The following BRF1 variants were observed in gnomAD, a reference collection of about 807,000 sequenced individuals.
BRF1 encodes BRF1 general transcription factor IIIB subunit.
A neutral mutation model predicts 81.7 loss-of-function variants in BRF1; 59 were observed. The ratio of observed to expected loss-of-function variants is 0.72; its 90% confidence interval spans 0.59 to 0.90. The LOEUF (loss-of-function observed/expected upper bound fraction) is 0.90. Ranked by LOEUF, BRF1 falls within the 40% of genes least tolerant of loss-of-function variation. The probability of loss-of-function intolerance (pLI) is 0.00; values close to 1 mark genes in which losing one functional copy is unlikely to be tolerated. For synonymous variants in BRF1, 491 were observed against 395.6 expected (o/e 1.24, Z -2.86); for missense variants, 1,050 against 936.3 (o/e 1.12, Z -1.58).
chr14:105,227,138 G>C (rs587653138), intron 7 of BRF1: 226 of 240,514 alleles, frequency 9.4e-4, no homozygotes, highest in African/African-American at 5.1e-3. Flanking sequence ...AAAAATAAAA[G>C]GCCAGGTGCT....
At chr14:105,211,443 TG>T in intron 16 of BRF1, 150 bp from the exon 17 acceptor site, 2 of 650,440 alleles carry the variant, frequency 3.1e-6, no homozygotes, top group Admixed American at 3.3e-5. Context: ...CCAGGCCCAC[TG>T]GCCCCTTCTG....
intron 10 of BRF1, chr14:105,222,283 G>C (rs1374496923): frequency 5.0e-6 from 1 of 200,036 alleles, no homozygotes; most frequent in East Asian, 1.5e-4. Context: ...ACATCGTTAA[G>C]ACAATGAAGA....
intron 1 of BRF1, among the ~76,000 whole-genome samples, chr14:105,289,954 G>C (rs587629248): frequency 5.9e-5 from 9 of 152,056 alleles, no homozygotes; most frequent in Admixed American, 5.9e-4. Context: ...CTAAGCGTTC[G>C]AATTAAGATC....
At position 105,300,555 on chromosome 14, in the gene BRF1, G is replaced by A. The variant is rs773009946; in HGVS notation, c.75C>T (p.Cys25=). 357 of 1,505,342 alleles carry A rather than the reference G, an allele frequency of 2.4e-4. 1 individual carries two copies. The highest frequency in any genetic ancestry group is 3.1e-4 in the Non-Finnish European group (345 of 1,130,848). 93.2% of individuals were successfully genotyped at this position (1,505,342 alleles called of 1,614,324 possible). The stretch of plus-strand genomic sequence containing the variant: ...CCTCCAGCACTGAGCCGCAGGCGGT[G>A]CACACCGCGTCCCCGCGCGCCGCGT... The part of the protein sequence containing the change: ...ELDAARGDAV[C]TACGSVLEDN... The change falls in exon 1 of 18, where the codon TGC becomes TGT. Residue 25 remains cysteine (C), a synonymous_variant. Coordinates refer to ENST00000547530, the MANE Select transcript of BRF1 (RefSeq NM_001519.4).
At chr14:105,287,725 G>T (rs2057367564) in intron 1 of BRF1, among the ~76,000 whole-genome samples, 1 of 152,222 alleles carries the variant, frequency 6.6e-6, no homozygotes, top group Non-Finnish European at 1.5e-5. Flanking sequence ...CACAATGAAT[G>T]TAACTGAATC....
At chr14:105,298,912 T>C (rs928449961) in intron 1 of BRF1, among the ~76,000 whole-genome samples, 20 of 150,286 alleles carry the variant, frequency 1.3e-4, no homozygotes, top group Non-Finnish European at 2.2e-4. Flanking sequence ...GGCTCACGCC[T>C]GTAATCCCAG....
At chr14:105,280,207 C>A (rs1008659483) in intron 2 of BRF1, among the ~76,000 whole-genome samples, 1 of 152,214 alleles carries the variant, frequency 6.6e-6, no homozygotes, top group East Asian at 1.9e-4. Flanking sequence ...TTACTCACCA[C>A]TAAAGAGAAA....
intron 1 of BRF1, among the ~76,000 whole-genome samples, chr14:105,312,006 G>A (rs2058362611): frequency 6.6e-6 from 1 of 152,234 alleles, no homozygotes; most frequent in Admixed American, 6.5e-5. Context: ...AAGGAGTAGG[G>A]GCGCTGTGGG....
At chr14:105,219,281 G>T (rs1379518151) in intron 12 of BRF1, 49 bp from the exon 13 acceptor site, 1 of 1,602,412 alleles carries the variant, frequency 6.2e-7, no homozygotes, top group Non-Finnish European at 8.5e-7. Context: ...TCGCACACCG[G>T]GGCATGCTAA....
chr14:105,275,306 C>T (rs1401567037), intron 2 of BRF1, among the ~76,000 whole-genome samples: 1 of 152,200 alleles, frequency 6.6e-6, no homozygotes, highest in Non-Finnish European at 1.5e-5. Context: ...ACCTTGAGCA[C>T]CTAAGGCCAC....
intron 6 of BRF1, 94 bp downstream of exon 6, chr14:105,241,171 A>C: frequency 6.5e-7 from 1 of 1,545,726 alleles, no homozygotes; most frequent in African/African-American, 1.4e-5. Flanking sequence ...GTGCTCTGCA[A>C]ACATACGGCC....
At chr14:105,242,503 AGGCG>A (rs1484647144) in intron 5 of BRF1, 2 of 152,150 alleles carry the variant, frequency 1.3e-5, no homozygotes, top group African/African-American at 4.8e-5. Context: ...TTGGGGGCCG[AGGCG>A]GGCGGATCAC....
At chr14:105,220,476 A>G (rs1297674491) in intron 11 of BRF1, among the ~76,000 whole-genome samples, 1 of 152,190 alleles carries the variant, frequency 6.6e-6, no homozygotes, top group Admixed American at 6.5e-5. Context: ...GCAGGAAGGA[A>G]AGGTCAGGCC....
Position 105,212,277 on chromosome 14 carries a change from C to T in BRF1, c.1773-113G>A, listed in dbSNP as rs1890240987. 12 of 1,376,542 alleles carry T rather than the reference C, an allele frequency of 8.7e-6. No individual in the cohort carries two copies. The Admixed American group carries it at 2.5e-4, about 29-fold the overall frequency. 85.3% of individuals were successfully genotyped at this position (1,376,542 alleles called of 1,614,324 possible). A position where few individuals can be genotyped will look rare whatever the true frequency, so the allele number is the denominator to read the frequency against. ...AGTGTTAATTGACTGTTTCTCTGTC[C>T]CTTTGGAAGCCTGGTTCTGCGTCCA... On this transcript the variant is annotated intron_variant, in intron 15 of 17. Coordinates refer to ENST00000547530, the MANE Select transcript of BRF1 (RefSeq NM_001519.4).
chr14:105,220,114 G>A lies in BRF1; in HGVS notation c.1332C>T (p.Asp444=), dbSNP rs587610347. The A allele has an allele frequency of 6.0e-5, 96 of 1,613,434 alleles. No individual in the cohort carries two copies. Among genetic ancestry groups the A allele is most frequent in the South Asian group, 1.2e-4 (11 of 91,090 alleles). ...CAATGCCACTGAGGTCCAGCTCACC[G>A]TCTCCTGAAGCATCTTCTGGAGGGA... The part of the protein sequence containing the change: ...QSSDPKDASG[D]GELDLSGIDD... Residue 444 remains aspartate (D), a synonymous_variant, in exon 12 of 18, where the codon GAC becomes GAT. Transcript: ENST00000547530.
chr14:105,245,994 A>C (rs587733847), intron 5 of BRF1, among the ~76,000 whole-genome samples: 1 of 152,358 alleles, frequency 6.6e-6, no homozygotes, highest in South Asian at 2.1e-4. Flanking sequence ...TATAGAATGG[A>C]AGAGACTATG....
intron 2 of BRF1, among the ~76,000 whole-genome samples, chr14:105,275,534 A>G (rs1196699107): frequency 2.6e-5 from 4 of 152,260 alleles, no homozygotes; most frequent in Non-Finnish European, 5.9e-5. Context: ...AGGGAAACAG[A>G]GTCAGCTGAC....
At chr14:105,241,578 G>A (rs1033402095) in intron 5 of BRF1, 164 bp from the exon 6 acceptor site, 2 of 924,226 alleles carry the variant, frequency 2.2e-6, no homozygotes, top group African/African-American at 1.7e-5. Context: ...CCCTCAGCTA[G>A]GGCAGCCATC....
rs1378089803 is a variant in BRF1 at position 105,210,703 on chromosome 14, C to T, written c.1997-115G>A. On this transcript the variant is annotated intron_variant, in intron 17 of 17. Coordinates refer to ENST00000547530, the MANE Select transcript of BRF1 (RefSeq NM_001519.4). The surrounding 1 kb of genome is among the most constrained non-coding windows in gnomAD (Gnocchi z 4.7). ...AGAAGACTCAGGCTCCAGCCCCAGCCCCAGCCCCCCGCGCCCCGCCAGGAG... is the reference window on the plus strand; with the variant it reads ...AGAAGACTCAGGCTCCAGCCCCAGCTCCAGCCCCCCGCGCCCCGCCAGGAG... 1 of 1,235,442 alleles carries T rather than the reference C, an allele frequency of 8.1e-7. No homozygotes were observed. Among genetic ancestry groups the T allele is most frequent in the Non-Finnish European group, 1.1e-6 (1 of 884,368 alleles). 76.5% of individuals were successfully genotyped at this position (1,235,442 alleles called of 1,614,324 possible). A position where few individuals can be genotyped will look rare whatever the true frequency, so the allele number is the denominator to read the frequency against.
Sources: gnomAD v4.1 joint callset for allele counts (sites outside exome capture counted in the v4.1 genomes callset) on GRCh38, gnomAD v4.1.1 for gene constraint, Gnocchi (gnomAD v3.1) non-coding constraint, MANE v1.5 for transcripts, NCBI Gene and HGNC (gene_info 2026-07-23, HGNC 2026-07-21) for gene names.